DAB1: variants seen among roughly 807,000 people sequenced by gnomAD.
DAB1 encodes disabled homolog 1.
Under a neutral mutation model 64.6 loss-of-function variants are expected in DAB1, and 15 were observed. The observed-to-expected ratio is 0.23, with a 90% confidence interval of 0.16 to 0.36. DAB1 has a LOEUF of 0.36. Ranked by LOEUF, DAB1 falls within the 10% of genes least tolerant of loss-of-function variation. The probability of loss-of-function intolerance (pLI) is 1.00; values close to 1 mark genes in which losing one functional copy is unlikely to be tolerated. For missense variants in DAB1, 596 were observed against 706.7 expected, an observed-to-expected ratio of 0.84 and a Z score of 1.78; for synonymous variants, 235 against 251.9, an observed-to-expected ratio of 0.93 and a Z score of 0.64.
chr1:57,237,019 T>C (rs1050234651), intron 2 of DAB1, among the ~76,000 whole-genome samples: 3 of 152,234 alleles, frequency 2.0e-5, no homozygotes, highest in African/African-American at 7.2e-5. Flanking sequence ...GTAGTGCTAC[T>C]ACTGCTGTAG....
intron 1 of DAB1, among the ~76,000 whole-genome samples, chr1:58,543,497 G>C (rs1220700617): frequency 6.6e-6 from 1 of 151,978 alleles, no homozygotes; most frequent in African/African-American, 2.4e-5. Flanking sequence ...GTGGTCTTAT[G>C]GTGTTGATCA....
intron 5 of DAB1, among the ~76,000 whole-genome samples, chr1:57,931,382 G>A (rs1013606777): frequency 7.9e-5 from 12 of 152,258 alleles, no homozygotes; most frequent in Admixed American, 2.0e-4. Context: ...AATGAGTTGG[G>A]AAATATATCC....
At chr1:57,293,485 C>A (rs144751931) in intron 1 of DAB1, among the ~76,000 whole-genome samples, 3 of 152,114 alleles carry the variant, frequency 2.0e-5, no homozygotes, top group Non-Finnish European at 4.4e-5. Flanking sequence ...TGATCACACA[C>A]GTAATGTGAT....
chr1:57,154,034 A>T (rs1157069354), intron 2 of DAB1, among the ~76,000 whole-genome samples: 1 of 152,168 alleles, frequency 6.6e-6, no homozygotes, highest in African/African-American at 2.4e-5. Flanking sequence ...TCTCTCAAGC[A>T]TTTATCCTTT....
intron 6 of DAB1, among the ~76,000 whole-genome samples, chr1:57,684,638 A>G (rs749157660): frequency 6.6e-6 from 1 of 152,212 alleles, no homozygotes; most frequent in Non-Finnish European, 1.5e-5. Context: ...AACAGAATCA[A>G]AAGAATGACA....
intron 5 of DAB1, among the ~76,000 whole-genome samples, chr1:58,029,361 T>G (rs1646938897): frequency 1.3e-5 from 2 of 152,226 alleles, no homozygotes; most frequent in Non-Finnish European, 2.9e-5. Context: ...ATGCTTCTGA[T>G]GTCAAGTCCA....
intron 1 of DAB1, among the ~76,000 whole-genome samples, chr1:58,540,485 C>A (rs182933861): frequency 6.6e-6 from 1 of 151,660 alleles, no homozygotes; most frequent in East Asian, 1.9e-4. Flanking sequence ...TGTAACTATA[C>A]TGCACATGTT....
intron 4 of DAB1, among the ~76,000 whole-genome samples, chr1:58,304,905 C>T (rs960329459): frequency 2.0e-5 from 3 of 152,204 alleles, no homozygotes; most frequent in African/African-American, 7.2e-5. Context: ...ATAAGGATAG[C>T]ATTTACTCAA....
chr1:57,660,610 ACACT>A (rs1456031070), intron 6 of DAB1, among the ~76,000 whole-genome samples: 2 of 152,198 alleles, frequency 1.3e-5, no homozygotes, highest in Non-Finnish European at 2.9e-5. Flanking sequence ...TTACACTGAA[ACACT>A]CACTCTGCTG....
At chr1:57,559,519 T>C (rs779345871) in intron 7 of DAB1, among the ~76,000 whole-genome samples, 2 of 152,174 alleles carry the variant, frequency 1.3e-5, no homozygotes, top group Non-Finnish European at 2.9e-5. Context: ...TCGGGGACTA[T>C]TGGACACCGG....
At chr1:57,695,392 GAAAGAAAGAAAGAAAGA>G (rs1557427915) in intron 6 of DAB1, among the ~76,000 whole-genome samples, 63 of 79,898 alleles carry the variant, frequency 7.9e-4, no homozygotes, top group Middle Eastern at 0.015. Flanking sequence ...AAGAAAGAAA[GAAAGAAAGAAAGAAAGA>G]AAGAAAGAAA....
At chr1:58,354,081 C>G (rs1428429943) in intron 3 of DAB1, among the ~76,000 whole-genome samples, 1 of 152,086 alleles carries the variant, frequency 6.6e-6, no homozygotes, top group Non-Finnish European at 1.5e-5. Context: ...AGCCTGATAC[C>G]TCTGGTAGCT....
rs184833553 is a variant in DAB1, at chr1:57,186,063, G to A, written c.68-40634C>T. Among the ~76,000 whole-genome samples, 95 of 152,218 alleles carry A rather than the reference G, an allele frequency of 6.2e-4. 1 individual carries two copies. Among genetic ancestry groups the A allele is most frequent in the South Asian group, 3.5e-3 (17 of 4,818 alleles). On this transcript the variant is annotated intron_variant, in intron 2 of 14. Transcript: ENST00000371236. ...CTTGCCTGTATATCAATACCACCTG[G>A]GACCACTCAGACCAGGTGAATCAAT... is the stretch of plus-strand genomic sequence containing the variant.
At chr1:57,334,400 T>C (rs1389620992) in intron 1 of DAB1, among the ~76,000 whole-genome samples, 1 of 152,146 alleles carries the variant, frequency 6.6e-6, no homozygotes, top group Non-Finnish European at 1.5e-5. Context: ...TATGTGAAGC[T>C]TAGAGAAAAA....
rs75333348 is a variant in DAB1 at position 57,490,505 on chromosome 1, T to C, written n.625+159087A>G. On this transcript the variant is annotated intron_variant and non_coding_transcript_variant, in intron 7 of 20. Transcript: ENST00000485760. ...TGCCTAGGCTGCTTTAACTTTTTAATTCTCTAGGATTTTTATGAAATTAAA... is the reference window on the plus strand; with the variant it reads ...TGCCTAGGCTGCTTTAACTTTTTAACTCTCTAGGATTTTTATGAAATTAAA... Among the ~76,000 whole-genome samples the C allele has an allele frequency of 6.3e-3, 966 of 152,332 alleles. 6 individuals are homozygous for C. The highest frequency in any genetic ancestry group is 0.022 in the African/African-American group (914 of 41,578).
chr1:57,262,512 C>T (rs77999414), intron 2 of DAB1, among the ~76,000 whole-genome samples: 2,567 of 152,310 alleles, frequency 0.017, 38 homozygotes, highest in South Asian at 0.024. Flanking sequence ...TTGTCCTTAC[C>T]TGCAGCCCAG....
chr1:58,418,215 C>T (rs1448020306), intron 3 of DAB1, among the ~76,000 whole-genome samples: 1 of 152,158 alleles, frequency 6.6e-6, no homozygotes, highest in Non-Finnish European at 1.5e-5. Context: ...CAAAGAAAGC[C>T]CTTTAGTCTA....
chr1:57,088,334 G>T (rs1293567432), intron 4 of DAB1, among the ~76,000 whole-genome samples: 3 of 152,156 alleles, frequency 2.0e-5, no homozygotes, highest in African/African-American at 7.2e-5. Context: ...GCCTCCCAAA[G>T]TGTCGGGATT....
intron 7 of DAB1, among the ~76,000 whole-genome samples, chr1:57,538,211 T>G (rs1644754179): frequency 6.6e-6 from 1 of 152,234 alleles, no homozygotes; most frequent in Non-Finnish European, 1.5e-5. Context: ...ATTTTTTTAA[T>G]GTTTTCCTGG....
Sources: gnomAD v4.1 joint callset for allele counts (sites outside exome capture counted in the v4.1 genomes callset) on GRCh38, gnomAD v4.1.1 for gene constraint, MANE v1.5 for transcripts, NCBI Gene and HGNC (gene_info 2026-07-23, HGNC 2026-07-21) for gene names.